The following PRKN variants were observed in gnomAD, a reference collection of about 807,000 sequenced individuals.
The protein encoded by PRKN is E3 ubiquitin-protein ligase parkin.
PRKN carries 56 observed loss-of-function variants against 59.5 expected under a neutral mutation model. That is an observed-to-expected ratio of 0.94 (90% CI 0.76 to 1.18). The LOEUF (loss-of-function observed/expected upper bound fraction) is 1.18. Ranked by LOEUF, PRKN falls within the 50% of genes most tolerant of loss-of-function variation. The probability of loss-of-function intolerance (pLI) is 0.00; values close to 1 mark genes in which losing one functional copy is unlikely to be tolerated. For synonymous variants in PRKN, 250 were observed against 222.1 expected, an observed-to-expected ratio of 1.13 and a Z score of -1.12; for missense variants, 657 against 596.4, an observed-to-expected ratio of 1.10 and a Z score of -1.06.
intron 2 of PRKN, among the ~76,000 whole-genome samples, chr6:162,416,839 ACACAG>A (rs1249420623): frequency 6.6e-6 from 1 of 152,212 alleles, no homozygotes; most frequent in Non-Finnish European, 1.5e-5. Flanking sequence ...TAAATTCTGT[ACACAG>A]AAAATATACT....
chr6:161,859,700 G>A (rs975659696), intron 6 of PRKN, among the ~76,000 whole-genome samples: 1 of 151,260 alleles, frequency 6.6e-6, no homozygotes, highest in Non-Finnish European at 1.5e-5. Flanking sequence ...AACTGTTGGT[G>A]ACATTTGTAA....
At chr6:162,463,651 G>C (rs1267224922) in intron 1 of PRKN, among the ~76,000 whole-genome samples, 1 of 152,152 alleles carries the variant, frequency 6.6e-6, no homozygotes, top group Non-Finnish European at 1.5e-5. Context: ...TACTGCTATG[G>C]GGCAAGTAAT....
At chr6:162,262,843 G>A (rs1031180890) in intron 2 of PRKN, 78 bp from the exon 3 acceptor site, 177 of 1,559,836 alleles carry the variant, frequency 1.1e-4, no homozygotes, top group Non-Finnish European at 1.5e-4. Flanking sequence ...AGTTTAACTT[G>A]CCCTCCGTGG....
chr6:161,646,868 T>C (rs965484646), intron 7 of PRKN, among the ~76,000 whole-genome samples: 4 of 152,216 alleles, frequency 2.6e-5, no homozygotes, highest in Admixed American at 2.0e-4. Context: ...TCCATTGCTG[T>C]TCTAGAATCC....
chr6:162,336,322 T>A (rs1204381324), intron 2 of PRKN, among the ~76,000 whole-genome samples: 1 of 152,096 alleles, frequency 6.6e-6, no homozygotes, highest in Non-Finnish European at 1.5e-5. Flanking sequence ...CAATGCCAAT[T>A]TCAGTCTATG....
chr6:162,166,994 C>T (rs919743571), intron 4 of PRKN, among the ~76,000 whole-genome samples: 4 of 152,128 alleles, frequency 2.6e-5, no homozygotes, highest in African/African-American at 9.7e-5. Flanking sequence ...GCACCTAAAA[C>T]AGAGTCTTTG....
At chr6:162,353,465 T>C (rs543981853) in intron 2 of PRKN, among the ~76,000 whole-genome samples, 2 of 152,226 alleles carry the variant, frequency 1.3e-5, no homozygotes, top group East Asian at 3.9e-4. Flanking sequence ...AAATGTTAAA[T>C]GCTAAAATGT....
intron 7 of PRKN, among the ~76,000 whole-genome samples, chr6:161,756,114 C>G (rs1042838698): frequency 2.6e-5 from 4 of 152,138 alleles, no homozygotes; most frequent in Admixed American, 2.6e-4. Flanking sequence ...ACACATAGTT[C>G]ATGAAAATTA....
chr6:161,725,945 G>A (rs1331775138), intron 7 of PRKN, among the ~76,000 whole-genome samples: 1 of 152,098 alleles, frequency 6.6e-6, no homozygotes, highest in African/African-American at 2.4e-5. Context: ...TCTGAGTTTT[G>A]TCCCTTCAAA....
At position 162,374,075 on chromosome 6, in the gene PRKN, T is replaced by C. The variant is rs919629384; in HGVS notation, c.171+69235A>G. ...TAGCCTGATTACACAGTTTACTCTG[T>C]ACAGGGAAAACTTTAGGCCAGACTT... On this transcript the variant is annotated intron_variant, in intron 2 of 11. Coordinates refer to ENST00000366898, the MANE Select transcript of PRKN (RefSeq NM_004562.3). 5.3e-5 allele frequency among the ~76,000 whole-genome samples: 8 copies of C among 152,184 alleles called. No individual in the cohort carries two copies. The South Asian group carries it at 1.2e-3, about 24-fold the overall frequency.
chr6:162,411,118 T>C (rs1003979714), intron 2 of PRKN, among the ~76,000 whole-genome samples: 1 of 152,240 alleles, frequency 6.6e-6, no homozygotes, highest in Non-Finnish European at 1.5e-5. Context: ...TAAAGAGAAA[T>C]ATGGTGGAAT....
Position 161,350,167 on chromosome 6 carries a change from C to A in PRKN, c.1330G>T (p.Glu444Ter), listed in dbSNP as rs772592654. 1 of 1,613,420 alleles carries A rather than the reference C, an allele frequency of 6.2e-7. No homozygotes were observed. The highest frequency in any genetic ancestry group is 8.5e-7 in the Non-Finnish European group (1 of 1,179,924). The change falls in exon 12 of 12, where the codon GAG becomes TAG. Residue 444 changes from glutamate (E) to a stop codon, truncating the protein, a stop_gained. Transcript: ENST00000366898. LOFTEE classifies it high-confidence loss of function. ...TCGCAGCCACAGTTCCAGCACCACT[C>A]GAGCCTGCACTGGGGCTGCGGACAC... is the stretch of plus-strand genomic sequence containing the variant. ...MKCPQPQCRLEWCWNCGCEWN... is the reference protein window; with the variant it reads ...MKCPQPQCRL
At chr6:161,966,333 T>A (rs1784592) in intron 6 of PRKN, among the ~76,000 whole-genome samples, 72,948 of 151,244 alleles carry the variant, frequency 0.48, 17,807 homozygotes, top group Middle Eastern at 0.59. Context: ...ATGTTTTCAA[T>A]TTTTACCCTT....
intron 6 of PRKN, among the ~76,000 whole-genome samples, chr6:161,894,589 T>C (rs1049234148): frequency 5.3e-5 from 8 of 152,176 alleles, no homozygotes; most frequent in Admixed American, 1.3e-4. Flanking sequence ...CGTGCGTTAC[T>C]CATGCATTTC....
intron 6 of PRKN, among the ~76,000 whole-genome samples, chr6:161,935,696 T>A (rs1779332280): frequency 6.6e-6 from 1 of 152,122 alleles, no homozygotes; most frequent in Non-Finnish European, 1.5e-5. Flanking sequence ...ATCACTGATG[T>A]TTCTTGAAAA....
intron 7 of PRKN, among the ~76,000 whole-genome samples, chr6:161,644,061 G>A (rs1300904659): frequency 2.6e-5 from 4 of 152,064 alleles, no homozygotes; most frequent in Non-Finnish European, 4.4e-5. Flanking sequence ...GTAGGGTCCC[G>A]CAGGAAGGAG....
intron 1 of PRKN, among the ~76,000 whole-genome samples, chr6:162,481,257 C>G (rs1171537464): frequency 6.6e-6 from 1 of 152,134 alleles, no homozygotes; most frequent in African/African-American, 2.4e-5. Flanking sequence ...TAATAGCAAA[C>G]AGGATACCAA....
chr6:161,703,042 AAAAAG>A (rs1203265320), intron 7 of PRKN, among the ~76,000 whole-genome samples: 36 of 151,906 alleles, frequency 2.4e-4, no homozygotes, highest in African/African-American at 8.2e-4. Flanking sequence ...AAAAAAAAAA[AAAAAG>A]AAAACAATTT....
chr6:162,338,159 G>C (rs1783934296), intron 2 of PRKN, among the ~76,000 whole-genome samples: 7 of 152,122 alleles, frequency 4.6e-5, no homozygotes, highest in Admixed American at 4.6e-4. Flanking sequence ...CCATCTCCAG[G>C]AGAGACAAAT....
Sources: gnomAD v4.1 joint callset for allele counts (sites outside exome capture counted in the v4.1 genomes callset) on GRCh38, gnomAD v4.1.1 for gene constraint, MANE v1.5 for transcripts, NCBI Gene and HGNC (gene_info 2026-07-23, HGNC 2026-07-21) for gene names.